Variants in RNF135 observed in about 807,000 individuals in gnomAD.
The protein encoded by RNF135 is E3 ubiquitin-protein ligase RNF135.
In RNF135, 46 loss-of-function variants were observed where a neutral mutation model predicts 41.9. That is an observed-to-expected ratio of 1.10 (90% CI 0.87 to 1.40). The LOEUF (loss-of-function observed/expected upper bound fraction) is 1.40, where lower values mean the gene tolerates loss of function less well. Ranked by LOEUF, RNF135 falls within the 40% of genes most tolerant of loss-of-function variation. The pLI, the probability that RNF135 is intolerant of heterozygous loss-of-function variation, is 0.00. For missense variants in RNF135, 539 were observed against 549.8 expected (o/e 0.98, Z 0.20); for synonymous variants, 238 against 223.8 (o/e 1.06, Z -0.57).
chr17:30,984,906 T>C (rs891977893), intron 2 of RNF135, 146 bp downstream of exon 2: 17 of 990,114 alleles, frequency 1.7e-5, no homozygotes, highest in African/African-American at 1.1e-4. Flanking sequence ...ACATGGATGA[T>C]TGGACATTTG....
chr17:30,997,566 T>A (rs1390372766), intron 4 of RNF135: 1 of 596,074 alleles, frequency 1.7e-6, no homozygotes, highest in South Asian at 1.5e-5. Context: ...GGCCACCAAC[T>A]ACAGCCAACT....
chr17:30,970,059 T>G (rs961841954), upstream of RNF135: 1 of 152,246 alleles, frequency 6.6e-6, no homozygotes, highest in Non-Finnish European at 1.5e-5. Context: ...ATACCTACTT[T>G]GAGCCCAGGC....
At chr17:30,978,122 T>C (rs1032453923) in intron 1 of RNF135, among the ~76,000 whole-genome samples, 4 of 152,192 alleles carry the variant, frequency 2.6e-5, no homozygotes, top group Non-Finnish European at 5.9e-5. Flanking sequence ...AACTCCCTTG[T>C]ATATTATTTA....
At chr17:30,984,489 A>G (rs767068462) in intron 1 of RNF135, 128 bp from the exon 2 acceptor site, 77 of 939,092 alleles carry the variant, frequency 8.2e-5, no homozygotes, top group Admixed American at 1.8e-4. Context: ...TGGGTACTCT[A>G]TTGTATTCCA....
At chr17:30,989,699 C>T (rs1907850250) in intron 3 of RNF135, among the ~76,000 whole-genome samples, 3 of 152,012 alleles carry the variant, frequency 2.0e-5, no homozygotes, top group African/African-American at 4.8e-5. Flanking sequence ...CAATCTTATG[C>T]TACTTAAAAA....
At chr17:30,989,799 A>C (rs929013576) in intron 3 of RNF135, among the ~76,000 whole-genome samples, 3 of 152,002 alleles carry the variant, frequency 2.0e-5, no homozygotes, top group African/African-American at 7.3e-5. Context: ...CAAGAGTTCA[A>C]GACCAGCCTG....
chr17:30,982,280 A>G (rs1041689002), intron 1 of RNF135, among the ~76,000 whole-genome samples: 1 of 152,206 alleles, frequency 6.6e-6, no homozygotes, highest in Non-Finnish European at 1.5e-5. Flanking sequence ...GGCTTGCCAG[A>G]ACTCAGGTTC....
Position 30,999,271 on chromosome 17 carries a change from A to G in RNF135, c.*80A>G, listed in dbSNP as rs1208117876. 1 of 1,491,136 alleles carries G rather than the reference A, an allele frequency of 6.7e-7. No individual in the cohort carries two copies. The highest frequency in any genetic ancestry group is 9.2e-7 in the Non-Finnish European group (1 of 1,085,048). The allele number at this position is 1,491,136 out of a possible 1,614,324, so 92.4% of individuals were successfully genotyped here. On this transcript the variant is annotated 3_prime_UTR_variant, in exon 5 of 5. Transcript: ENST00000328381. ...ATCAGGGTAGTAACTTGACTTAAGA[A>G]TACCACTTTTTAGAAAAATTACGAT...
chr17:30,969,209 T>G, upstream of RNF135: 1 of 152,338 alleles, frequency 6.6e-6, no homozygotes, highest in African/African-American at 2.4e-5. Flanking sequence ...CGCCAGTGAT[T>G]TCATTTTTTA....
rs1351023953 is a variant in RNF135 at position 30,997,273 on chromosome 17, A to G, written c.711A>G (p.Ser237=). 6.2e-7 allele frequency: 1 copy of G among 1,613,924 alleles called. No individual in the cohort carries two copies. The highest frequency in any genetic ancestry group is 1.7e-5 in the Admixed American group (1 of 59,996). Residue 237 remains serine (S), a synonymous_variant, in exon 4 of 5, where the codon TCA becomes TCG. Transcript: ENST00000328381. The part of the protein sequence containing the change: ...GELLEAPSSS[S]CPLPDQSHPA... ...TCCTGGAAGCCCCGTCTTCCTCCTC[A>G]TGCCCATTGCCTGACCAGAGCCACC...
At chr17:30,968,271 C>A (rs1905636365), upstream of RNF135, among the ~76,000 whole-genome samples, 1 of 139,954 alleles carries the variant, frequency 7.1e-6, no homozygotes, top group Admixed American at 7.0e-5. Flanking sequence ...CCAGCCTGGG[C>A]AACAAAGTGA....
At chr17:30,966,261 C>T (rs1905541156), upstream of RNF135, among the ~76,000 whole-genome samples, 1 of 152,074 alleles carries the variant, frequency 6.6e-6, no homozygotes, top group African/African-American at 2.4e-5. Context: ...GTGAGGCTAG[C>T]AGCAAGATGG....
chr17:30,981,277 G>T (rs1331153775), intron 1 of RNF135, among the ~76,000 whole-genome samples: 1 of 149,522 alleles, frequency 6.7e-6, no homozygotes, highest in Non-Finnish European at 1.5e-5. Flanking sequence ...GGAGAATCAG[G>T]CAGGGAGGTT....
intron 1 of RNF135, chr17:30,975,645 A>C: frequency 1.7e-6 from 2 of 1,177,706 alleles, no homozygotes; most frequent in Non-Finnish European, 2.5e-6. Context: ...GAAACTCCAC[A>C]ACCGCCAATA....
In RNF135 at chr17:30,997,151, G is replaced by A. The variant is rs73267786; in HGVS notation, c.680-91G>A. The stretch of plus-strand genomic sequence containing the variant: ...AAATGTGTAGATGATAAGAAGACAA[G>A]CCAGCCATGTGCCTTGACCATGATG... On this transcript the variant is annotated intron_variant, in intron 3 of 4. Transcript: ENST00000328381. 8,737 of 994,752 alleles carry A rather than the reference G, an allele frequency of 8.8e-3. 403 individuals carry two copies. In the African/African-American group the frequency reaches 0.11, roughly 13 times the overall value. 61.6% of individuals were successfully genotyped at this position (994,752 alleles called of 1,614,324 possible). A position where few individuals can be genotyped will look rare whatever the true frequency, so the allele number is the denominator to read the frequency against.
chr17:30,995,529 G>C (rs984753092), intron 3 of RNF135, among the ~76,000 whole-genome samples: 108 of 152,040 alleles, frequency 7.1e-4, no homozygotes, highest in African/African-American at 2.4e-3. Context: ...CACCATGCCT[G>C]GTTTCATGTT....
intron 1 of RNF135, among the ~76,000 whole-genome samples, chr17:30,976,115 C>G (rs1354818762): frequency 6.6e-6 from 1 of 152,182 alleles, no homozygotes; most frequent in Non-Finnish European, 1.5e-5. Context: ...AAGTGATTCT[C>G]CTGCCTCAGT....
At chr17:30,992,029 T>C (rs1416402603) in intron 3 of RNF135, among the ~76,000 whole-genome samples, 1 of 151,794 alleles carries the variant, frequency 6.6e-6, no homozygotes, top group Non-Finnish European at 1.5e-5. Context: ...TCTCCTGGGT[T>C]CAAGTGATTC....
intron 1 of RNF135, among the ~76,000 whole-genome samples, chr17:30,981,768 C>T (rs1907167466): frequency 6.6e-6 from 1 of 152,212 alleles, no homozygotes; most frequent in South Asian, 2.1e-4. Context: ...AGGGGGCACC[C>T]CAAGCCCAGT....
Sources: allele counts gnomAD v4.1 joint callset (sites outside exome capture counted in the v4.1 genomes callset), GRCh38; gene constraint gnomAD v4.1.1; transcripts MANE v1.5; gene names NCBI Gene and HGNC (gene_info 2026-07-23, HGNC 2026-07-21).